The following ATF7 variants were observed in gnomAD, a reference collection of about 807,000 sequenced individuals.
The protein encoded by ATF7 is activating transcription factor 7.
ATF7 carries 10 observed loss-of-function variants against 50.4 expected under a neutral mutation model. The ratio of observed to expected loss-of-function variants is 0.20; its 90% confidence interval spans 0.12 to 0.34. The LOEUF is 0.34. ATF7 is among the 10% of genes least tolerant of loss of function. ATF7 has a pLI of 1.00. For missense variants in ATF7, 465 were observed against 613.9 expected (o/e 0.76, Z 2.56); for synonymous variants, 201 against 226.4 (o/e 0.89, Z 1.01).
At chr12:53,553,782 G>T (rs1047583170) in intron 2 of ATF7, among the ~76,000 whole-genome samples, 10 of 152,102 alleles carry the variant, frequency 6.6e-5, no homozygotes, top group Non-Finnish European at 1.5e-4. Flanking sequence ...TTGGTTAGTC[G>T]TCTCTTTTTA....
At chr12:53,565,087 T>C (rs1339905605) in intron 2 of ATF7, among the ~76,000 whole-genome samples, 1 of 152,146 alleles carries the variant, frequency 6.6e-6, no homozygotes, top group Admixed American at 6.6e-5. Context: ...CTTGCTTCTA[T>C]TTTGGTTCCT....
At chr12:53,574,930 C>T in intron 2 of ATF7, 1 of 275,324 alleles carries the variant, frequency 3.6e-6, no homozygotes, top group South Asian at 4.4e-5. Context: ...TAAAGTTACT[C>T]TTTCTTGCCA....
downstream of ATF7, chr12:53,508,222 C>T (rs184710848): frequency 2.0e-5 from 3 of 150,678 alleles, no homozygotes; most frequent in African/African-American, 7.3e-5. Flanking sequence ...CTACAGGCGT[C>T]AACCACCATG....
intron 1 of ATF7, among the ~76,000 whole-genome samples, chr12:53,625,161 C>T (rs139545770): frequency 6.6e-6 from 1 of 152,142 alleles, no homozygotes; most frequent in East Asian, 1.9e-4. Flanking sequence ...TTGTAAACAC[C>T]CCAGTCAGAG....
intron 2 of ATF7, among the ~76,000 whole-genome samples, chr12:53,561,271 G>A (rs1941088866): frequency 6.8e-6 from 1 of 146,342 alleles, no homozygotes; most frequent in African/African-American, 2.5e-5. Context: ...GTATGAAAAA[G>A]TCACAGAAGA....
At chr12:53,618,712 T>A (rs1380373903) in intron 1 of ATF7, among the ~76,000 whole-genome samples, 1 of 152,142 alleles carries the variant, frequency 6.6e-6, no homozygotes, top group Non-Finnish European at 1.5e-5. Context: ...ATTGTGTGTG[T>A]GTGTGTGTGT....
chr12:53,560,715 G>T (rs1450183590), intron 2 of ATF7, among the ~76,000 whole-genome samples: 1 of 152,112 alleles, frequency 6.6e-6, no homozygotes, highest in East Asian at 1.9e-4. Context: ...GTAGACTGGG[G>T]TAAGAAGACA....
In ATF7 at chr12:53,534,483, C is replaced by T. The variant is rs1182580277; in HGVS notation, c.560+19G>A. On this transcript the variant is annotated intron_variant, in intron 6 of 11. Transcript: ENST00000420353. Reference sequence around the variant, plus strand: ...AAGAAATGCAGCCTTCACTACTTCTCCCTGCTCTCTGTACTTACCCCATTT... The same window carrying T: ...AAGAAATGCAGCCTTCACTACTTCTTCCTGCTCTCTGTACTTACCCCATTT... 3 of 1,613,534 alleles carry T rather than the reference C, an allele frequency of 1.9e-6. No individual in the cohort carries two copies. The highest frequency in any genetic ancestry group is 2.5e-6 in the Non-Finnish European group (3 of 1,179,650).
At chr12:53,556,912 C>CT (rs1406628458) in intron 2 of ATF7, among the ~76,000 whole-genome samples, 1 of 152,148 alleles carries the variant, frequency 6.6e-6, no homozygotes, top group African/African-American at 2.4e-5. Context: ...ATTAAAATAG[C>CT]TAAAATTATT....
chr12:53,565,458 T>C (rs1314064911), intron 2 of ATF7, among the ~76,000 whole-genome samples: 1 of 143,078 alleles, frequency 7.0e-6, no homozygotes, highest in Non-Finnish European at 1.5e-5. Flanking sequence ...TTCTTTGCTC[T>C]TTCTTCTCTC....
chr12:53,582,631 T>TG (rs1454243373), intron 2 of ATF7, among the ~76,000 whole-genome samples: 18 of 152,286 alleles, frequency 1.2e-4, no homozygotes, highest in African/African-American at 4.1e-4. Context: ...CAGGCTGGAG[T>TG]GCAGTGGCGA....
In ATF7 at chr12:53,529,734, C is replaced by CACACACACACACACACACACAT. The variant is rs1298379846; in HGVS notation, c.927+2009_927+2010insATGTGTGTGTGTGTGTGTGTGT. On this transcript the variant is annotated intron_variant, in intron 9 of 11. Transcript: ENST00000420353. The stretch of plus-strand genomic sequence containing the variant: ...ATACACACACACACACACACACACA[C>CACACACACACACACACACACAT]ATATATATATGTTTTTTTTTTTTTG... Among the ~76,000 whole-genome samples, 80 of 143,532 alleles carry CACACACACACACACACACACAT rather than the reference C, an allele frequency of 5.6e-4. 1 individual carries two copies. The East Asian group carries it at 0.012, about 22-fold the overall frequency. The allele number at this position is 143,532 out of a possible 152,430, so 94.2% of individuals were successfully genotyped here. A position where few individuals can be genotyped will look rare whatever the true frequency, so the allele number is the denominator to read the frequency against.
Position 53,512,339 on chromosome 12 carries a change from C to G in ATF7, c.*4798G>C, listed in dbSNP as rs1944153586. 1 of 152,250 alleles carries G rather than the reference C, an allele frequency of 6.6e-6. No individual in the cohort carries two copies. Among genetic ancestry groups the G allele is most frequent in the Non-Finnish European group, 1.5e-5 (1 of 68,062 alleles). The allele number at this position is 152,250 out of a possible 1,614,324, so 9.4% of individuals were successfully genotyped here. The stretch of plus-strand genomic sequence containing the variant: ...ACAAAATAGCCTGCAGCACTGCATC[C>G]TCCTACCTGTCAAAGGCCACCACTG... On this transcript the variant is annotated 3_prime_UTR_variant, in exon 12 of 12. Transcript: ENST00000420353.
intron 2 of ATF7, among the ~76,000 whole-genome samples, chr12:53,586,929 G>A (rs1230521394): frequency 6.6e-6 from 1 of 152,190 alleles, no homozygotes; most frequent in African/African-American, 2.4e-5. Flanking sequence ...ACCTTACCCA[G>A]TGAGGCAGTC....
At chr12:53,537,687 C>G (rs1939304542) in intron 4 of ATF7, 135 bp from the exon 5 acceptor site, 3 of 1,010,694 alleles carry the variant, frequency 3.0e-6, no homozygotes, top group African/African-American at 3.3e-5. Flanking sequence ...AACTGCATGT[C>G]AAATAAATGT....
chr12:53,601,212 A>G (rs1943388852), intron 1 of ATF7, among the ~76,000 whole-genome samples, 191 bp from the exon 2 acceptor site: 1 of 152,200 alleles, frequency 6.6e-6, no homozygotes, highest in African/African-American at 2.4e-5. Flanking sequence ...CTCAACTGAA[A>G]CTTTTAATTA....
At chr12:53,623,177 C>T (rs1944469391) in intron 1 of ATF7, among the ~76,000 whole-genome samples, 1 of 151,608 alleles carries the variant, frequency 6.6e-6, no homozygotes, top group African/African-American at 2.4e-5. Context: ...AACAGGGTAT[C>T]TGTGAAGTGG....
intron 2 of ATF7, among the ~76,000 whole-genome samples, chr12:53,595,679 G>A (rs2137795715): frequency 6.6e-6 from 1 of 152,278 alleles, no homozygotes; most frequent in South Asian, 2.1e-4. Flanking sequence ...AATGCCAAGT[G>A]AAGCCAGGAC....
At chr12:53,561,329 TA>T (rs57397230) in intron 2 of ATF7, among the ~76,000 whole-genome samples, 63,858 of 134,350 alleles carry the variant, frequency 0.48, 14,797 homozygotes, top group East Asian at 0.75. Context: ...ACTGTCTCTT[TA>T]AAAAAAAAAA....
Sources: allele counts gnomAD v4.1 joint callset (sites outside exome capture counted in the v4.1 genomes callset), GRCh38; gene constraint gnomAD v4.1.1; transcripts MANE v1.5; gene names NCBI Gene and HGNC (gene_info 2026-07-23, HGNC 2026-07-21).